Variants in MAML3 observed in about 807,000 individuals in gnomAD.
The protein encoded by MAML3 is mastermind like transcriptional coactivator 3, also known as mastermind-like protein 3.
In MAML3, 27 loss-of-function variants were observed where a neutral mutation model predicts 101.9. That is an observed-to-expected ratio of 0.27 (90% CI 0.20 to 0.37). The LOEUF (loss-of-function observed/expected upper bound fraction) is 0.37, where lower values mean the gene tolerates loss of function less well. MAML3 is among the 10% of genes least tolerant of loss of function. The pLI, the probability that MAML3 is intolerant of heterozygous loss-of-function variation, is 1.00. For synonymous variants in MAML3, 501 were observed against 555.9 expected (o/e 0.90, Z 1.39); for missense variants, 1,316 against 1,444.9 (o/e 0.91, Z 1.45).
At chr4:140,011,233 C>CATATATATATATAT (rs70943468) in intron 1 of MAML3, among the ~76,000 whole-genome samples, 3,118 of 119,664 alleles carry the variant, frequency 0.026, 84 homozygotes, top group Non-Finnish European at 0.038. Flanking sequence ...ATAAAGTGTG[C>CATATATATATATAT]ATATATATAT....
intron 2 of MAML3, among the ~76,000 whole-genome samples, chr4:139,886,253 T>G (rs1732336791): frequency 6.6e-6 from 1 of 152,030 alleles, no homozygotes; most frequent in South Asian, 2.1e-4. Context: ...TCAATCCAAC[T>G]GGCAAATCAA....
intron 1 of MAML3, among the ~76,000 whole-genome samples, chr4:139,970,590 A>C (rs1734219769): frequency 6.6e-6 from 1 of 152,182 alleles, no homozygotes; most frequent in Non-Finnish European, 1.5e-5. Flanking sequence ...GTAATAGATG[A>C]TGAGGAAAGT....
At chr4:140,103,886 C>A (rs892733637) in intron 1 of MAML3, among the ~76,000 whole-genome samples, 1 of 152,068 alleles carries the variant, frequency 6.6e-6, no homozygotes, top group African/African-American at 2.4e-5. Flanking sequence ...TGGCTACTAG[C>A]ATATTAAGAT....
intron 1 of MAML3, among the ~76,000 whole-genome samples, chr4:139,914,689 T>C (rs1370574230): frequency 6.6e-6 from 1 of 152,080 alleles, no homozygotes; most frequent in Non-Finnish European, 1.5e-5. Flanking sequence ...AAATTCAACG[T>C]TAATTGGGAG....
intron 1 of MAML3, among the ~76,000 whole-genome samples, chr4:140,056,036 G>C (rs943745547): frequency 4.6e-5 from 7 of 152,344 alleles, no homozygotes; most frequent in Non-Finnish European, 1.0e-4. Flanking sequence ...AGCAACAGGG[G>C]TGTGTGGCAT....
At chr4:140,105,851 T>C (rs1187872121) in intron 1 of MAML3, among the ~76,000 whole-genome samples, 1 of 152,036 alleles carries the variant, frequency 6.6e-6, no homozygotes, top group African/African-American at 2.4e-5. Context: ...GCAAATCACC[T>C]GATGAAATAA....
chr4:140,095,949 G>T (rs1728152745), intron 1 of MAML3, among the ~76,000 whole-genome samples: 1 of 152,182 alleles, frequency 6.6e-6, no homozygotes, highest in Non-Finnish European at 1.5e-5. Flanking sequence ...GCAGGGACTG[G>T]GTAATATTTC....
intron 2 of MAML3, chr4:139,794,372 G>C (rs1730473675): frequency 6.6e-6 from 1 of 152,196 alleles, no homozygotes; most frequent in Non-Finnish European, 1.5e-5. Flanking sequence ...GATTCGATCA[G>C]TAAAATCAAC....
chr4:139,864,828 C>G (rs12506512), intron 2 of MAML3, among the ~76,000 whole-genome samples: 1 of 149,762 alleles, frequency 6.7e-6, no homozygotes, highest in East Asian at 1.9e-4. Context: ...TTATAGGACT[C>G]TCAAGGAATC....
At chr4:140,113,253 TG>T (rs1728467252) in intron 1 of MAML3, among the ~76,000 whole-genome samples, 1 of 152,072 alleles carries the variant, frequency 6.6e-6, no homozygotes, top group African/African-American at 2.4e-5. Context: ...AACTCCAGCC[TG>T]GGTGACAGAG....
rs1264731031 is a variant in MAML3, at chr4:140,108,774, A to G, written c.468+44086T>C. Reference sequence around the variant, plus strand: ...ACCTACTCTTGTTAAGTTAAATTTGAATACTGAAGAATATGCCAAAGAAGA... The same window carrying G: ...ACCTACTCTTGTTAAGTTAAATTTGGATACTGAAGAATATGCCAAAGAAGA... On this transcript the variant is annotated intron_variant, in intron 1 of 4. Transcript: ENST00000509479. Among the ~76,000 whole-genome samples, 3 of 151,884 alleles carry G rather than the reference A, an allele frequency of 2.0e-5. No homozygotes were observed. The East Asian group carries it at 5.8e-4, about 29-fold the overall frequency.
At chr4:139,874,805 C>CTTTTT (rs35089838) in intron 2 of MAML3, among the ~76,000 whole-genome samples, 2 of 133,116 alleles carry the variant, frequency 1.5e-5, no homozygotes, top group African/African-American at 2.8e-5. Flanking sequence ...CCTATCTTTC[C>CTTTTT]TTTTTTTTTT....
At chr4:139,891,673 T>G (rs1732502765) in intron 1 of MAML3, among the ~76,000 whole-genome samples, 1 of 152,174 alleles carries the variant, frequency 6.6e-6, no homozygotes, top group African/African-American at 2.4e-5. Flanking sequence ...ATCAAGGAAT[T>G]AAATCAACAT....
chr4:139,862,768 C>T (rs182077796), intron 2 of MAML3, among the ~76,000 whole-genome samples: 1 of 152,148 alleles, frequency 6.6e-6, no homozygotes, highest in Non-Finnish European at 1.5e-5. Flanking sequence ...TAGAATAGAA[C>T]TAGAATAGGA....
chr4:140,152,709 A>C, intron 1 of MAML3, 151 bp downstream of exon 1: 1 of 1,377,436 alleles, frequency 7.3e-7, no homozygotes, highest in Middle Eastern at 2.7e-4. Context: ...TTTTTCCCTA[A>C]GAAAAGTTGA....
intron 1 of MAML3, among the ~76,000 whole-genome samples, chr4:139,964,671 T>C (rs1352321980): frequency 6.6e-6 from 1 of 152,240 alleles, no homozygotes; most frequent in Non-Finnish European, 1.5e-5. Context: ...CTTTATACAA[T>C]GTTTGAATTC....
At chr4:140,137,647 GT>G (rs1728917386) in intron 1 of MAML3, among the ~76,000 whole-genome samples, 1 of 152,216 alleles carries the variant, frequency 6.6e-6, no homozygotes, top group African/African-American at 2.4e-5. Flanking sequence ...CACTATCTTT[GT>G]TAATAGAGTA....
At chr4:139,872,284 CT>C (rs1732026743) in intron 2 of MAML3, among the ~76,000 whole-genome samples, 1 of 152,152 alleles carries the variant, frequency 6.6e-6, no homozygotes, top group Non-Finnish European at 1.5e-5. Context: ...CTTTTACTTC[CT>C]TTGTGAGGCT....
intron 3 of MAML3, 60 bp downstream of exon 3, chr4:139,730,356 G>A (rs1728649919): frequency 2.1e-6 from 3 of 1,443,036 alleles, no homozygotes; most frequent in Non-Finnish European, 2.8e-6. Context: ...CAGGCAGCAG[G>A]CAGGTGCTGA....
Sources: gnomAD v4.1 joint callset for allele counts (sites outside exome capture counted in the v4.1 genomes callset) on GRCh38, gnomAD v4.1.1 for gene constraint, MANE v1.5 for transcripts, NCBI Gene and HGNC (gene_info 2026-07-23, HGNC 2026-07-21) for gene names.